Variants in DEFB131A observed in about 807,000 individuals in gnomAD.
The protein encoded by DEFB131A is defensin beta 131A.
Under a neutral mutation model 2.4 loss-of-function variants are expected in DEFB131A, and 5 were observed. The ratio of observed to expected loss-of-function variants is 2.12; its 90% CI spans 1.11 to 4.47. The LOEUF is 4.47. Ranked by LOEUF, DEFB131A falls within the 30% of genes most tolerant of loss-of-function variation. The pLI is 0.00. For missense variants in DEFB131A, 120 were observed against 79.9 expected (o/e 1.50, Z -1.91); for synonymous variants, 34 against 25.7 (o/e 1.32, Z -0.97).
chr4:9,449,692 T>G (rs1438165645), intron 1 of DEFB131A, among the ~76,000 whole-genome samples: 1 of 152,028 alleles, frequency 6.6e-6, no homozygotes, highest in African/African-American at 2.4e-5. Flanking sequence ...CTGGTAGGTT[T>G]AAAGGGAATA....
At chr4:9,446,331 T>G (rs1399298409) in intron 1 of DEFB131A, among the ~76,000 whole-genome samples, 2 of 147,492 alleles carry the variant, frequency 1.4e-5, no homozygotes, top group East Asian at 3.9e-4. Flanking sequence ...GAAAGTTAGA[T>G]TGATTATTGG....
rs1189914845 is a variant in DEFB131A at position 9,450,373 on chromosome 4, T to A, written c.72T>A (p.Ile24=). ...CTCTTTTTAAAGCCAGAAGCTTCAT[T>A]TCTAATGATGAATGTCCTTCAGAAT... ...MFTVPPARSF[I]SNDECPSEYY... The change falls in exon 2 of 2, where the codon ATT becomes ATA. Residue 24 remains isoleucine (I), a synonymous_variant. Transcript: ENST00000334879. The A allele has an allele frequency of 6.4e-7, 1 of 1,568,010 alleles. No homozygotes were observed. The highest frequency in any genetic ancestry group is 2.3e-5 in the East Asian group (1 of 43,946).
intron 1 of DEFB131A, among the ~76,000 whole-genome samples, chr4:9,448,508 G>C (rs1189139894): frequency 6.6e-6 from 1 of 152,032 alleles, no homozygotes; most frequent in Non-Finnish European, 1.5e-5. Context: ...ATTTTTAGTA[G>C]AGACTGGATT....
rs764373868 is a variant in DEFB131A at position 9,450,554 on chromosome 4, A to T, written c.*40A>T. 3.8e-6 allele frequency: 6 copies of T among 1,588,738 alleles called. No homozygotes were observed. The highest frequency in any genetic ancestry group is 5.1e-6 in the Non-Finnish European group (6 of 1,166,924). On this transcript the variant is annotated 3_prime_UTR_variant, in exon 2 of 2. Coordinates refer to ENST00000334879, the MANE Select transcript of DEFB131A (RefSeq NM_001040448.3). ...TCTTCTTCAGACTCCGGGACAAAAA[A>T]CATGTCTTAAACTCTCTTATCTATG...
chr4:9,445,475 C>A (rs1479001852), intron 1 of DEFB131A, among the ~76,000 whole-genome samples: 2 of 151,902 alleles, frequency 1.3e-5, no homozygotes, highest in Non-Finnish European at 2.9e-5. Context: ...TTTTAAAATT[C>A]ATCAATACCC....
intron 1 of DEFB131A, among the ~76,000 whole-genome samples, chr4:9,445,667 G>A (rs191244807): frequency 1.9e-3 from 292 of 151,934 alleles, no homozygotes; most frequent in African/African-American, 6.4e-3. Flanking sequence ...TTTCCTCCAT[G>A]AATGTTAGTG....
At chr4:9,450,034 G>A (rs1273834693) in intron 1 of DEFB131A, among the ~76,000 whole-genome samples, 1 of 152,042 alleles carries the variant, frequency 6.6e-6, no homozygotes, top group Admixed American at 6.6e-5. Flanking sequence ...TTTAACTCCA[G>A]AAGTTAAACA....
rs1157347843 is a variant in DEFB131A at position 9,450,628 on chromosome 4, G to T, written c.*114G>T. The T allele has an allele frequency of 2.9e-6, 4 of 1,393,792 alleles. No homozygotes were observed. The highest frequency in any genetic ancestry group is 2.4e-5 in the Admixed American group (1 of 41,168). The allele number at this position is 1,393,792 out of a possible 1,614,324, so 86.3% of individuals were successfully genotyped here. On this transcript the variant is annotated 3_prime_UTR_variant, in exon 2 of 2. Coordinates refer to ENST00000334879, the MANE Select transcript of DEFB131A (RefSeq NM_001040448.3). Reference sequence around the variant, plus strand: ...ATTATTATAATTGCATGTTTAGATGGTCAGGTGAAAATGAATATAAATTTT... The same window carrying T: ...ATTATTATAATTGCATGTTTAGATGTTCAGGTGAAAATGAATATAAATTTT...
intron 1 of DEFB131A, among the ~76,000 whole-genome samples, chr4:9,447,373 C>A (rs1387268369): frequency 1.3e-5 from 2 of 151,858 alleles, no homozygotes; most frequent in African/African-American, 4.8e-5. Context: ...TATGTTTTTT[C>A]ACTTAAAGTC....
chr4:9,447,106 G>T (rs1403815052), intron 1 of DEFB131A, among the ~76,000 whole-genome samples: 2 of 152,080 alleles, frequency 1.3e-5, no homozygotes, highest in African/African-American at 4.8e-5. Context: ...AAGTCTATTT[G>T]GTCTGCGGTA....
chr4:9,450,153 C>T (rs1430443018), intron 1 of DEFB131A, among the ~76,000 whole-genome samples: 23 of 152,300 alleles, frequency 1.5e-4, no homozygotes, highest in African/African-American at 5.5e-4. Context: ...TTTCCAGCTA[C>T]TGCCTCATTT....
chr4:9,447,656 C>T (rs953649887), intron 1 of DEFB131A, among the ~76,000 whole-genome samples: 7 of 150,094 alleles, frequency 4.7e-5, no homozygotes, highest in Non-Finnish European at 7.4e-5. Flanking sequence ...CTAACAAGGA[C>T]ATCAGCCATA....
intron 1 of DEFB131A, among the ~76,000 whole-genome samples, chr4:9,447,119 G>A (rs1179646065): frequency 2.0e-5 from 3 of 152,290 alleles, no homozygotes; most frequent in Admixed American, 6.5e-5. Flanking sequence ...CTGCGGTACA[G>A]ATTAAATTCA....
chr4:9,447,551 T>G (rs902848896), intron 1 of DEFB131A, among the ~76,000 whole-genome samples: 4 of 152,130 alleles, frequency 2.6e-5, no homozygotes, highest in African/African-American at 9.7e-5. Flanking sequence ...TGGTTTCTCC[T>G]GAGGCCTGTC....
chr4:9,444,461 A>G lies in DEFB131A; in HGVS notation c.-73A>G. ...ATCACTCAACAACTCACCTCTTCAG[A>G]GAACTGAATGTACACAGAAGTCCTC... On this transcript the variant is annotated 5_prime_UTR_variant, in exon 1 of 2. Coordinates refer to ENST00000334879, the MANE Select transcript of DEFB131A (RefSeq NM_001040448.3). 1 of 1,549,354 alleles carries G rather than the reference A, an allele frequency of 6.5e-7. No individual in the cohort carries two copies. The highest frequency in any genetic ancestry group is 8.8e-7 in the Non-Finnish European group (1 of 1,135,224).
chr4:9,448,538 G>T (rs1005260128), intron 1 of DEFB131A, among the ~76,000 whole-genome samples: 1 of 152,172 alleles, frequency 6.6e-6, no homozygotes, highest in East Asian at 1.9e-4. Context: ...TAGCCAGGCT[G>T]GTCTCGAACT....
chr4:9,448,711 G>C (rs1373208151), intron 1 of DEFB131A, among the ~76,000 whole-genome samples: 1 of 152,120 alleles, frequency 6.6e-6, no homozygotes, highest in African/African-American at 2.4e-5. Context: ...TACAATAAAA[G>C]TAAAAAGAAA....
intron 1 of DEFB131A, among the ~76,000 whole-genome samples, chr4:9,447,460 G>A (rs1378299640): frequency 1.3e-5 from 2 of 152,096 alleles, no homozygotes; most frequent in African/African-American, 2.4e-5. Flanking sequence ...AAGTACCACA[G>A]AATGGGTGCC....
chr4:9,445,071 C>T (rs186079771), intron 1 of DEFB131A, among the ~76,000 whole-genome samples: 1 of 151,936 alleles, frequency 6.6e-6, no homozygotes, highest in Non-Finnish European at 1.5e-5. Flanking sequence ...CAGAGTGAGA[C>T]CCTGTCTCAA....
Sources: gnomAD v4.1 joint callset for allele counts (sites outside exome capture counted in the v4.1 genomes callset) on GRCh38, gnomAD v4.1.1 for gene constraint, MANE v1.5 for transcripts, NCBI Gene and HGNC (gene_info 2026-07-23, HGNC 2026-07-21) for gene names.